Variants in NPAS3 observed in about 807,000 individuals in gnomAD.
NPAS3 encodes neuronal PAS domain protein 3, also known as neuronal PAS domain-containing protein 3.
Under a neutral mutation model 73.1 loss-of-function variants are expected in NPAS3, and 14 were observed. That is an observed-to-expected ratio of 0.19 (90% CI 0.13 to 0.30). The LOEUF (loss-of-function observed/expected upper bound fraction) is 0.30, where lower values mean the gene tolerates loss of function less well. Among genes scored for constraint, NPAS3 ranks in the 10% least tolerant of loss-of-function variants. The pLI, the probability that NPAS3 is intolerant of heterozygous loss-of-function variation, is 1.00. For missense variants in NPAS3, 1,096 were observed against 1,250.0 expected, an observed-to-expected ratio of 0.88 and a Z score of 1.86; for synonymous variants, 620 against 541.5, an observed-to-expected ratio of 1.14 and a Z score of -2.01.
intron 5 of NPAS3, among the ~76,000 whole-genome samples, chr14:33,561,484 G>A (rs2055647197): frequency 6.6e-6 from 1 of 152,124 alleles, no homozygotes; most frequent in African/African-American, 2.4e-5. Context: ...TATTTTATGT[G>A]GACTTTAGCA....
chr14:33,023,270 A>G (rs1258119492), intron 1 of NPAS3, among the ~76,000 whole-genome samples: 2 of 152,206 alleles, frequency 1.3e-5, no homozygotes, highest in South Asian at 2.1e-4. Flanking sequence ...TTTGTGTGAT[A>G]TAAATATTAC....
intron 5 of NPAS3, among the ~76,000 whole-genome samples, chr14:33,671,049 A>G (rs2059596698): frequency 6.6e-6 from 1 of 152,180 alleles, no homozygotes; most frequent in African/African-American, 2.4e-5. Context: ...ATTCTAAAAG[A>G]AAGAAATATC....
At chr14:33,570,232 G>A (rs900531392) in intron 5 of NPAS3, among the ~76,000 whole-genome samples, 3 of 152,150 alleles carry the variant, frequency 2.0e-5, no homozygotes, top group African/African-American at 4.8e-5. Flanking sequence ...TTTTAAGATC[G>A]CTCCTAGTAA....
At chr14:33,285,880 C>T (rs1308116213) in intron 3 of NPAS3, among the ~76,000 whole-genome samples, 1 of 152,186 alleles carries the variant, frequency 6.6e-6, no homozygotes, top group African/African-American at 2.4e-5. Context: ...ACTCCTCCCA[C>T]TTTCCTCCTA....
intron 2 of NPAS3, among the ~76,000 whole-genome samples, chr14:33,191,197 G>A (rs1031606232): frequency 4.6e-5 from 7 of 152,148 alleles, no homozygotes; most frequent in Admixed American, 1.3e-4. Context: ...CCTTTAACCC[G>A]AAGGTGAGTT....
chr14:33,404,284 C>T lies in NPAS3; in HGVS notation c.468+37016C>T, dbSNP rs1200184664. On this transcript the variant is annotated intron_variant, in intron 4 of 11. Coordinates refer to ENST00000356141, the Ensembl canonical transcript of NPAS3. ...TAGGAATGCTGCTTTTCTGAAGAGG[C>T]TAAGAAGGAAAAATATTTTAATGTT... is the stretch of plus-strand genomic sequence containing the variant. Among the ~76,000 whole-genome samples, 6 of 151,998 alleles carry T rather than the reference C, an allele frequency of 3.9e-5. No homozygotes were observed. The East Asian group carries it at 7.7e-4, about 20-fold the overall frequency.
chr14:33,119,869 GAAATGAT>G (rs2139027739), intron 2 of NPAS3, among the ~76,000 whole-genome samples: 1 of 152,208 alleles, frequency 6.6e-6, no homozygotes, highest in South Asian at 2.1e-4. Flanking sequence ...GATAAAATTT[GAAATGAT>G]AAACTAAATG....
chr14:32,990,895 C>G (rs867481621), intron 1 of NPAS3, among the ~76,000 whole-genome samples: 1 of 151,712 alleles, frequency 6.6e-6, no homozygotes, highest in African/African-American at 2.4e-5. Flanking sequence ...CCACTGCACT[C>G]CAGCTTGGGT....
At chr14:33,260,645 C>G (rs983692707) in intron 3 of NPAS3, among the ~76,000 whole-genome samples, 1 of 152,086 alleles carries the variant, frequency 6.6e-6, no homozygotes, top group Non-Finnish European at 1.5e-5. Flanking sequence ...CACTATATTT[C>G]AGAATTTTTT....
chr14:33,396,232 G>T (rs1187722732), intron 4 of NPAS3, among the ~76,000 whole-genome samples: 1 of 152,134 alleles, frequency 6.6e-6, no homozygotes, highest in African/African-American at 2.4e-5. Context: ...AAACATCACA[G>T]CCATTGCTGA....
At chr14:32,979,832 A>G (rs8006573) in intron 1 of NPAS3, among the ~76,000 whole-genome samples, 25,700 of 152,150 alleles carry the variant, frequency 0.17, 2,561 homozygotes, top group African/African-American at 0.28. Context: ...CCACTTGGCC[A>G]AAGTTTGAAA....
intron 7 of NPAS3, among the ~76,000 whole-genome samples, chr14:33,743,026 A>T (rs1052993142): frequency 1.3e-5 from 2 of 152,166 alleles, no homozygotes; most frequent in African/African-American, 4.8e-5. Context: ...TCTTCCCTCC[A>T]CTGAAGTCTT....
chr14:33,591,071 T>C (rs1487843549), intron 5 of NPAS3, among the ~76,000 whole-genome samples: 2 of 152,168 alleles, frequency 1.3e-5, no homozygotes. Context: ...GAAGTGCTTG[T>C]TAAGAACATG....
intron 1 of NPAS3, among the ~76,000 whole-genome samples, chr14:32,944,905 T>C (rs1372421584): frequency 2.0e-5 from 3 of 152,230 alleles, no homozygotes; most frequent in East Asian, 1.9e-4. Flanking sequence ...GATCTTATGT[T>C]ACTATGGCCC....
chr14:33,648,373 GT>G, intron 5 of NPAS3, among the ~76,000 whole-genome samples: 1 of 152,050 alleles, frequency 6.6e-6, no homozygotes, highest in African/African-American at 2.4e-5. Context: ...TCTTCCAATT[GT>G]GTCACTTTTT....
At chr14:33,265,985 C>T (rs892742331) in intron 3 of NPAS3, among the ~76,000 whole-genome samples, 5 of 150,660 alleles carry the variant, frequency 3.3e-5, no homozygotes, top group African/African-American at 1.2e-4. Flanking sequence ...TATTTATATA[C>T]TTAAATATGT....
chr14:33,061,070 T>G (rs2041080169), intron 2 of NPAS3, among the ~76,000 whole-genome samples: 1 of 152,198 alleles, frequency 6.6e-6, no homozygotes, highest in Non-Finnish European at 1.5e-5. Flanking sequence ...CGTGCCAGTC[T>G]TTATCAGCTC....
intron 6 of NPAS3, among the ~76,000 whole-genome samples, chr14:33,725,347 G>T (rs1369643576): frequency 6.6e-6 from 1 of 151,998 alleles, no homozygotes; most frequent in Non-Finnish European, 1.5e-5. Flanking sequence ...TAAAAGATTA[G>T]GCAGACACAG....
At chr14:33,543,997 A>ATATC (rs2054657867) in intron 4 of NPAS3, among the ~76,000 whole-genome samples, 1 of 61,894 alleles carries the variant, frequency 1.6e-5, no homozygotes, top group Admixed American at 1.7e-4. Flanking sequence ...ATATATATAT[A>ATATC]TATATCTATA....
Sources: allele counts gnomAD v4.1 joint callset (sites outside exome capture counted in the v4.1 genomes callset), GRCh38; gene constraint gnomAD v4.1.1; transcripts MANE v1.5; gene names NCBI Gene and HGNC (gene_info 2026-07-23, HGNC 2026-07-21).